The following PAX2 variants were observed in gnomAD, a reference collection of about 807,000 sequenced individuals.
PAX2 encodes paired box 2, also known as paired box protein Pax-2.
A neutral mutation model predicts 41.7 loss-of-function variants in PAX2; 9 were observed. The observed-to-expected ratio is 0.22, with a 90% CI of 0.13 to 0.38. The LOEUF is 0.38. Among genes scored for constraint, PAX2 ranks in the 10% least tolerant of loss-of-function variants. The probability of loss-of-function intolerance (pLI) is 1.00; values close to 1 mark genes in which losing one functional copy is unlikely to be tolerated. For missense variants in PAX2, 418 were observed against 531.6 expected (o/e 0.79, Z 2.10); for synonymous variants, 221 against 212.7 (o/e 1.04, Z -0.34).
At chr10:100,767,237 C>G (rs11812878) in intron 3 of PAX2, among the ~76,000 whole-genome samples, 80 of 152,240 alleles carry the variant, frequency 5.3e-4, no homozygotes, top group African/African-American at 1.8e-3. Flanking sequence ...CTCCTGCACA[C>G]CCAGCAGAAA....
chr10:100,767,680 C>T (rs1420391721), intron 3 of PAX2, among the ~76,000 whole-genome samples: 1 of 152,138 alleles, frequency 6.6e-6, no homozygotes, highest in Non-Finnish European at 1.5e-5. Context: ...CAGCACAAGT[C>T]ATTAATTCAC....
At chr10:100,752,066 A>T (rs1372812169) in intron 3 of PAX2, among the ~76,000 whole-genome samples, 1 of 152,256 alleles carries the variant, frequency 6.6e-6, no homozygotes. Flanking sequence ...AATCATCCTG[A>T]AAACAGCAGG....
At chr10:100,780,310 A>G (rs758054574) in intron 4 of PAX2, among the ~76,000 whole-genome samples, 46 of 152,142 alleles carry the variant, frequency 3.0e-4, no homozygotes, top group Non-Finnish European at 4.0e-4. Context: ...TCTGTCCCCA[A>G]CGCACACAGA....
chr10:100,759,751 G>A (rs1845768902), intron 3 of PAX2, among the ~76,000 whole-genome samples: 1 of 152,188 alleles, frequency 6.6e-6, no homozygotes, highest in South Asian at 2.1e-4. Flanking sequence ...CAGAGAGGAA[G>A]GATTGGAGAG....
At position 100,745,896 on chromosome 10, in the gene PAX2, G is replaced by A; in HGVS notation, c.-365G>A. 1.7e-6 allele frequency: 2 copies of A among 1,145,904 alleles called. No individual in the cohort carries two copies. Among genetic ancestry groups the A allele is most frequent in the South Asian group, 2.8e-5 (1 of 35,618 alleles). 71.0% of individuals were successfully genotyped at this position (1,145,904 alleles called of 1,614,324 possible). A position where few individuals can be genotyped will look rare whatever the true frequency, so the allele number is the denominator to read the frequency against. The stretch of plus-strand genomic sequence containing the variant: ...CCGCCTCTCGGATGACCAGGTTCCA[G>A]GGGAGCTGAGCGAGTCGCCTCCCCC... On this transcript the variant is annotated 5_prime_UTR_variant, in exon 1 of 10. Transcript: ENST00000355243.
intron 3 of PAX2, among the ~76,000 whole-genome samples, chr10:100,763,404 A>T (rs1481433021): frequency 6.6e-6 from 1 of 152,226 alleles, no homozygotes; most frequent in Non-Finnish European, 1.5e-5. Context: ...TTTCAGAGAA[A>T]AATATTCCAG....
chr10:100,737,535 G>A (rs780560865), intron 1 of PAX2, among the ~76,000 whole-genome samples: 18 of 152,350 alleles, frequency 1.2e-4, no homozygotes, highest in Non-Finnish European at 2.1e-4. Flanking sequence ...GCAGCTCCGG[G>A]AAAGGCGGGG....
At position 100,806,541 on chromosome 10, in the gene PAX2, G is replaced by T. The variant is rs147636578; in HGVS notation, c.728G>T (p.Arg243Leu). The change falls in exon 6 of 10, where the codon CGG becomes CTG. Residue 243 changes from arginine to leucine, a missense_variant. Around this residue, in one of 2 missense-constraint regions of PAX2, gnomAD observed 310 missense variants for 325.2 expected, o/e 0.95. Coordinates refer to ENST00000355243, the MANE Select transcript of PAX2 (RefSeq NM_000278.5). ...CAGCAGCAGCTGGAAGCTTTGGATC[G>T]GGTCTTTGAGCGTCCTTCCTACCCT... ...FTQQQLEALD[R>L]VFERPSYPDV... 1 of 1,614,196 alleles carries T rather than the reference G, an allele frequency of 6.2e-7. No individual in the cohort carries two copies. The highest frequency in any genetic ancestry group is 2.2e-5 in the East Asian group (1 of 44,868).
upstream of PAX2, among the ~76,000 whole-genome samples, chr10:100,743,586 G>A (rs1446328068): frequency 1.3e-5 from 2 of 152,166 alleles, no homozygotes; most frequent in Non-Finnish European, 2.9e-5. Flanking sequence ...CCCAGTTCTG[G>A]GTTAATTACT....
rs1848590706 is a variant in PAX2 at position 100,826,956 on chromosome 10, G to A, written c.1022-53G>A. The stretch of plus-strand genomic sequence containing the variant: ...GGAGAAGCCACCGGCCGGACTCGTG[G>A]GGTCCGCCCTGGCTTGCAGGCGTCT... On this transcript the variant is annotated intron_variant, in intron 8 of 9. Coordinates refer to ENST00000355243, the MANE Select transcript of PAX2 (RefSeq NM_000278.5). This position sits in a 1 kb window ranked among gnomAD's most constrained non-coding sequence, Gnocchi z 5.5. The A allele has an allele frequency of 1.6e-5, 20 of 1,276,204 alleles. No individual in the cohort carries two copies. Among genetic ancestry groups the A allele is most frequent in the Non-Finnish European group, 2.2e-5 (19 of 876,290 alleles). 79.1% of individuals were successfully genotyped at this position (1,276,204 alleles called of 1,614,324 possible).
intron 1 of PAX2, chr10:100,747,733 A>G: frequency 1.0e-6 from 1 of 985,010 alleles, no homozygotes; most frequent in Non-Finnish European, 1.2e-6. Flanking sequence ...AAGCGCAGGA[A>G]AGCCGCGCCG....
At chr10:100,802,068 C>T (rs985950166) in intron 5 of PAX2, among the ~76,000 whole-genome samples, 2 of 152,150 alleles carry the variant, frequency 1.3e-5, no homozygotes, top group Non-Finnish European at 2.9e-5. Flanking sequence ...AGGGGGCAGA[C>T]GGAGAATGAG....
Position 100,748,152 on chromosome 10 carries a change from C to T in PAX2, c.44-1594C>T, listed in dbSNP as rs79673911. 0.012 allele frequency: 11,904 copies of T among 985,112 alleles called. 975 individuals carry two copies. In the African/African-American group the frequency reaches 0.18, roughly 15 times the overall value. The allele number at this position is 985,112 out of a possible 1,614,324, so 61.0% of individuals were successfully genotyped here. On this transcript the variant is annotated intron_variant, in intron 1 of 9. Transcript: ENST00000355243. This position sits in a 1 kb window ranked among gnomAD's most constrained non-coding sequence, Gnocchi z 5.0. Reference sequence around the variant, plus strand: ...CCCCTTCCCATCCCCACCCCTTAGACTGGGGCTGAGGGGCCGGGCCCTGAG... The same window carrying T: ...CCCCTTCCCATCCCCACCCCTTAGATTGGGGCTGAGGGGCCGGGCCCTGAG...
At position 100,809,115 on chromosome 10, in the gene PAX2, C is replaced by A; in HGVS notation, c.798C>A (p.Asn266Lys). 1 of 1,612,616 alleles carries A rather than the reference C, an allele frequency of 6.2e-7. No individual in the cohort carries two copies. The highest frequency in any genetic ancestry group is 1.1e-5 in the South Asian group (1 of 91,038). Reference protein sequence around the residue: ...ASEHIKSEQGNEYSLPALTPG... With the variant: ...ASEHIKSEQGKEYSLPALTPG... ...ACTTTTCTCTCTCCTCCCAGGGGAA[C>A]GAGTACTCCCTCCCAGCCCTGACCC... Residue 266 changes from asparagine to lysine, a missense_variant, in exon 7 of 10, where the codon AAC becomes AAA. Asn to Lys is a moderately conservative substitution (Grantham distance 94, BLOSUM62 0). This residue lies in a region of PAX2 where 310 missense variants were observed against 325.2 expected (regional missense o/e 0.95). Coordinates refer to ENST00000355243, the MANE Select transcript of PAX2 (RefSeq NM_000278.5).
At chr10:100,815,095 ACCT>A (rs1311689412) in intron 7 of PAX2, among the ~76,000 whole-genome samples, 1 of 151,570 alleles carries the variant, frequency 6.6e-6, no homozygotes, top group African/African-American at 2.4e-5. Context: ...ACCCTGGGAA[ACCT>A]CCTCCTCCTA....
intron 5 of PAX2, among the ~76,000 whole-genome samples, chr10:100,792,761 T>C (rs1847175877): frequency 1.3e-5 from 2 of 151,232 alleles, no homozygotes; most frequent in Admixed American, 6.6e-5. Flanking sequence ...ACATCTTTAT[T>C]GGTTCTGGTA....
chr10:100,805,018 T>TCA (rs1847716725), intron 5 of PAX2, among the ~76,000 whole-genome samples: 2 of 32,876 alleles, frequency 6.1e-5, no homozygotes, highest in African/African-American at 1.6e-4. Flanking sequence ...TCTCTCTCTC[T>TCA]CACATACACA....
In PAX2 at chr10:100,810,172, C is replaced by G. The variant is rs184862092; in HGVS notation, c.919+936C>G. Reference sequence around the variant, plus strand: ...TGCAGAGCGAGGCAAGCGGAGGTGGCCTGCGGACCCAGCAGCAGGGCTGCA... The same window carrying G: ...TGCAGAGCGAGGCAAGCGGAGGTGGGCTGCGGACCCAGCAGCAGGGCTGCA... On this transcript the variant is annotated intron_variant, in intron 7 of 9. Coordinates refer to ENST00000355243, the MANE Select transcript of PAX2 (RefSeq NM_000278.5). Among the ~76,000 whole-genome samples the G allele has an allele frequency of 7.1e-4, 108 of 152,178 alleles. 1 individual carries two copies. In the East Asian group the frequency reaches 0.019, roughly 27 times the overall value.
At chr10:100,740,536 A>T (rs976781293) in intron 1 of PAX2, among the ~76,000 whole-genome samples, 9 of 152,196 alleles carry the variant, frequency 5.9e-5, no homozygotes, top group Non-Finnish European at 1.2e-4. Flanking sequence ...TAGCACTCAG[A>T]TCCCTCCTTT....
Sources: allele counts gnomAD v4.1 joint callset (sites outside exome capture counted in the v4.1 genomes callset), GRCh38; gene constraint gnomAD v4.1.1; regional missense constraint gnomAD v4.1.1; non-coding constraint Gnocchi (gnomAD v3.1); transcripts MANE v1.5; gene names NCBI Gene and HGNC (gene_info 2026-07-23, HGNC 2026-07-21).